The following CLDN16 variants were observed in gnomAD, a reference collection of about 807,000 sequenced individuals.
CLDN16 encodes claudin-16.
In CLDN16, 13 loss-of-function variants were observed where a neutral mutation model predicts 24.6. The ratio of observed to expected loss-of-function variants is 0.53; its 90% CI spans 0.34 to 0.84. The LOEUF (loss-of-function observed/expected upper bound fraction) is 0.84. Ranked by LOEUF, CLDN16 falls within the 40% of genes least tolerant of loss-of-function variation. The probability of loss-of-function intolerance (pLI) is 0.01; values close to 1 mark genes in which losing one functional copy is unlikely to be tolerated. For synonymous variants in CLDN16, 116 were observed against 106.7 expected (o/e 1.09, Z -0.54); for missense variants, 298 against 292.7 (o/e 1.02, Z -0.13).
the CLDN16 span, among the ~76,000 whole-genome samples, chr3:190,309,806 G>C: frequency 6.6e-6 from 1 of 152,128 alleles, no homozygotes; most frequent in Admixed American, 6.5e-5. Context: ...CTGTGCATTA[G>C]TTACAAATAA....
the CLDN16 span, chr3:190,313,002 A>G: frequency 6.2e-7 from 1 of 1,614,194 alleles, no homozygotes; most frequent in Non-Finnish European, 8.5e-7. Context: ...GGAGGATGCC[A>G]ACCACCATCA....
intron 1 of CLDN16, among the ~76,000 whole-genome samples, chr3:190,369,673 G>A (rs1291901214): frequency 6.6e-6 from 1 of 151,902 alleles, no homozygotes; most frequent in East Asian, 1.9e-4. Context: ...ATCGTTCTAT[G>A]TCAACAAACA....
chr3:190,399,283 C>G (rs1395042933), intron 1 of CLDN16, among the ~76,000 whole-genome samples: 1 of 152,150 alleles, frequency 6.6e-6, no homozygotes, highest in Non-Finnish European at 1.5e-5. Flanking sequence ...GTGGGCGGAT[C>G]ACCTGAGGTC....
intron 1 of CLDN16, among the ~76,000 whole-genome samples, chr3:190,328,069 T>A (rs1188415252): frequency 2.0e-5 from 3 of 151,788 alleles, no homozygotes; most frequent in African/African-American, 4.8e-5. Flanking sequence ...ATTACTTGAT[T>A]GCAGGAGCTC....
chr3:190,298,077 C>T, the CLDN16 span, among the ~76,000 whole-genome samples: 2 of 152,046 alleles, frequency 1.3e-5, no homozygotes, highest in African/African-American at 2.4e-5. Flanking sequence ...TGTTTTAAAA[C>T]ATATTTCTTT....
Position 190,410,157 on chromosome 3 carries a change from A to T in CLDN16, c.*121A>T. 8.6e-7 allele frequency: 1 copy of T among 1,157,242 alleles called. No individual in the cohort carries two copies. Among genetic ancestry groups the T allele is most frequent in the Non-Finnish European group, 1.3e-6 (1 of 779,440 alleles). The allele number at this position is 1,157,242 out of a possible 1,614,324, so 71.7% of individuals were successfully genotyped here. A position where few individuals can be genotyped will look rare whatever the true frequency, so the allele number is the denominator to read the frequency against. ...TTCATATTGAATTAAATTAATTGCT[A>T]GCTTAATCAAAATGTTTGATTCTCC... On this transcript the variant is annotated 3_prime_UTR_variant, in exon 5 of 5. Coordinates refer to ENST00000264734, the MANE Select transcript of CLDN16 (RefSeq NM_006580.4).
intron 4 of CLDN16, among the ~76,000 whole-genome samples, chr3:190,409,245 C>CGTATATGCATGTATATATGCACACAT (rs1208558031): frequency 0.12 from 12,017 of 96,702 alleles, 594 homozygotes; most frequent in Middle Eastern, 0.22. Flanking sequence ...TATGCACACA[C>CGTATATGCATGTATATATGCACACAT]GTATATGCAT....
chr3:190,380,347 A>G (rs1309937356), intron 3 of CLDN16, among the ~76,000 whole-genome samples: 2 of 151,934 alleles, frequency 1.3e-5, no homozygotes, highest in African/African-American at 4.8e-5. Flanking sequence ...GTGACATACT[A>G]AACTATCCAG....
chr3:190,302,144 T>A, the CLDN16 span, among the ~76,000 whole-genome samples: 2 of 152,320 alleles, frequency 1.3e-5, no homozygotes, highest in South Asian at 4.1e-4. Context: ...CCGGAATACT[T>A]TCCTACCAGG....
At chr3:190,344,195 G>T (rs576942059) in intron 1 of CLDN16, among the ~76,000 whole-genome samples, 2 of 151,932 alleles carry the variant, frequency 1.3e-5, no homozygotes, top group Non-Finnish European at 2.9e-5. Context: ...AAAACACAGA[G>T]CTTCCAAATT....
intron 1 of CLDN16, among the ~76,000 whole-genome samples, chr3:190,362,213 C>T (rs896330260): frequency 6.6e-6 from 1 of 151,892 alleles, no homozygotes; most frequent in Non-Finnish European, 1.5e-5. Context: ...AAGAACGAAC[C>T]CTGGGTGTTA....
intron 3 of CLDN16, among the ~76,000 whole-genome samples, chr3:190,376,503 A>G (rs573415780): frequency 6.6e-6 from 1 of 152,040 alleles, no homozygotes; most frequent in African/African-American, 2.4e-5. Flanking sequence ...CAACAAAAGC[A>G]TCTTCCATAG....
intron 1 of CLDN16, among the ~76,000 whole-genome samples, chr3:190,367,036 T>G (rs1371271584): frequency 6.6e-6 from 1 of 151,960 alleles, no homozygotes; most frequent in African/African-American, 2.4e-5. Context: ...AGATTTTAAT[T>G]TTAGCACAAC....
Position 190,402,414 on chromosome 3 carries a change from C to G in CLDN16, c.192C>G (p.Tyr64Ter), listed in dbSNP as rs199651054. Residue 64 changes from tyrosine (Y) to a stop codon, truncating the protein, a stop_gained, in exon 2 of 5, where the codon TAC (tyrosine) becomes TAG (stop). Coordinates refer to ENST00000264734, the MANE Select transcript of CLDN16 (RefSeq NM_006580.4). LOFTEE classifies it high-confidence loss of function. Reference protein sequence around the residue: ...AFDGIRTCDEYDSILAEHPLK... With the variant: ...AFDGIRTCDE ...ATGGGATTCGCACCTGTGATGAGTA[C>G]GATTCCATACTTGCGGAGCATCCCT... 1 of 1,613,572 alleles carries G rather than the reference C, an allele frequency of 6.2e-7. No homozygotes were observed. Among genetic ancestry groups the G allele is most frequent in the Admixed American group, 1.7e-5 (1 of 60,000 alleles).
In CLDN16 at chr3:190,341,040, G is replaced by C. The variant is rs1313758417; in HGVS notation, n.121+18379G>C. 3.3e-5 allele frequency among the ~76,000 whole-genome samples: 5 copies of C among 152,320 alleles called. No individual in the cohort carries two copies. In the East Asian group the frequency reaches 9.7e-4, roughly 29 times the overall value. On this transcript the variant is annotated intron_variant and non_coding_transcript_variant, in intron 1 of 4. Coordinates refer to the CLDN16 transcript ENST00000468220. ...AGCTCTGCCCTTGTGGCTTTGCAGGGTAGAGCTTTTCCTCCAGCTGCTTTC... is the reference window on the plus strand; with the variant it reads ...AGCTCTGCCCTTGTGGCTTTGCAGGCTAGAGCTTTTCCTCCAGCTGCTTTC...
chr3:190,295,922 A>T, the CLDN16 span, among the ~76,000 whole-genome samples: 5 of 152,158 alleles, frequency 3.3e-5, no homozygotes, highest in Non-Finnish European at 5.9e-5. Flanking sequence ...CTCCAGCCTC[A>T]GTTCTGCTCT....
At position 190,388,376 on chromosome 3, in the gene CLDN16, C is replaced by G; in HGVS notation, c.47C>G (p.Ser16Cys). 1 of 1,614,022 alleles carries G rather than the reference C, an allele frequency of 6.2e-7. No individual in the cohort carries two copies. Among genetic ancestry groups the G allele is most frequent in the African/African-American group, 1.3e-5 (1 of 74,984 alleles). ...QYIACFFAFF[S>C]AGFLIVATWT... ...ATCGCTTGCTTCTTTGCCTTTTTCTCTGCTGGGTTTTTGATTGTGGCCACC... is the reference window on the plus strand; with the variant it reads ...ATCGCTTGCTTCTTTGCCTTTTTCTGTGCTGGGTTTTTGATTGTGGCCACC... The change falls in exon 1 of 5, where the codon TCT (serine) becomes TGT (cysteine). Residue 16 changes from serine to cysteine, a missense_variant. By Grantham distance (112) the Ser-to-Cys change is moderately radical (BLOSUM62 -1). Transcript: ENST00000264734.
chr3:190,314,715 C>A, the CLDN16 span, among the ~76,000 whole-genome samples: 1 of 152,006 alleles, frequency 6.6e-6, no homozygotes, highest in Non-Finnish European at 1.5e-5. Flanking sequence ...TAATCTCTTT[C>A]TAAAAAGTAT....
intron 2 of CLDN16, among the ~76,000 whole-genome samples, chr3:190,403,078 A>T (rs1215129263): frequency 2.0e-5 from 3 of 152,200 alleles, no homozygotes; most frequent in Non-Finnish European, 4.4e-5. Context: ...TTGTAATCCT[A>T]GCACTTTGGG....
Sources: allele counts gnomAD v4.1 joint callset (sites outside exome capture counted in the v4.1 genomes callset), GRCh38; gene constraint gnomAD v4.1.1; transcripts MANE v1.5; gene names NCBI Gene and HGNC (gene_info 2026-07-23, HGNC 2026-07-21).